The following PLPP4 variants were observed in gnomAD, a reference collection of about 807,000 sequenced individuals.
The protein encoded by PLPP4 is phospholipid phosphatase 4, also known as diacylglycerol pyrophosphate like 2.
Under a neutral mutation model 32.2 loss-of-function variants are expected in PLPP4, and 20 were observed. The ratio of observed to expected loss-of-function variants is 0.62; its 90% CI spans 0.44 to 0.90. PLPP4 has a LOEUF of 0.90. Ranked by LOEUF, PLPP4 falls within the 40% of genes least tolerant of loss-of-function variation. The pLI, the probability that PLPP4 is intolerant of heterozygous loss-of-function variation, is 0.00. For missense variants in PLPP4, 257 were observed against 353.1 expected (o/e 0.73, Z 2.18); for synonymous variants, 127 against 133.0 (o/e 0.95, Z 0.31).
At chr10:120,542,278 G>T (rs1847382162) in intron 5 of PLPP4, among the ~76,000 whole-genome samples, 1 of 152,234 alleles carries the variant, frequency 6.6e-6, no homozygotes, top group Admixed American at 6.5e-5. Flanking sequence ...AGATGCAAAT[G>T]ACCAGAGTCA....
intron 1 of PLPP4, among the ~76,000 whole-genome samples, chr10:120,463,423 G>A (rs1848164138): frequency 6.6e-6 from 1 of 152,200 alleles, no homozygotes; most frequent in Non-Finnish European, 1.5e-5. Flanking sequence ...TTTCAGCTCT[G>A]CCACTAACTA....
intron 5 of PLPP4, among the ~76,000 whole-genome samples, chr10:120,544,054 C>G (rs561469069): frequency 3.3e-4 from 51 of 152,266 alleles, no homozygotes; most frequent in Admixed American, 2.8e-3. Context: ...TTAGCTATTG[C>G]GAATAATGCT....
chr10:120,529,829 C>T (rs1846618500), intron 5 of PLPP4, among the ~76,000 whole-genome samples: 1 of 152,164 alleles, frequency 6.6e-6, no homozygotes, highest in Non-Finnish European at 1.5e-5. Flanking sequence ...GATTGTGGCA[C>T]ACACCTGTAA....
At chr10:120,548,546 G>A (rs1343809626) in intron 5 of PLPP4, among the ~76,000 whole-genome samples, 1 of 152,096 alleles carries the variant, frequency 6.6e-6, no homozygotes, top group Non-Finnish European at 1.5e-5. Flanking sequence ...ACATACCCAT[G>A]CTATGTCTTT....
chr10:120,581,574 T>C (rs1849513622), intron 6 of PLPP4, among the ~76,000 whole-genome samples: 1 of 152,238 alleles, frequency 6.6e-6, no homozygotes, highest in South Asian at 2.1e-4. Flanking sequence ...AAGCTACTTG[T>C]CCTCCTCGTT....
At chr10:120,480,258 T>C (rs958832646) in intron 1 of PLPP4, among the ~76,000 whole-genome samples, 1 of 152,152 alleles carries the variant, frequency 6.6e-6, no homozygotes, top group African/African-American at 2.4e-5. Flanking sequence ...TAGCAGAACA[T>C]CTTCTGACTA....
chr10:120,465,051 T>C (rs569662297), intron 1 of PLPP4, among the ~76,000 whole-genome samples: 13 of 152,228 alleles, frequency 8.5e-5, no homozygotes, highest in Non-Finnish European at 1.8e-4. Flanking sequence ...AACTTGTGGA[T>C]AAAGGTATCT....
At position 120,467,964 on chromosome 10, in the gene PLPP4, A is replaced by G. The variant is rs1848390020; in HGVS notation, c.56+10603A>G. On this transcript the variant is annotated intron_variant, in intron 1 of 6. Coordinates refer to ENST00000398250, the MANE Select transcript of PLPP4 (RefSeq NM_001030059.3). ...TGTGTTCATGTGTTCTTATCTTTCC[A>G]CTTATAAGTGAGAACATGTGGTACT... Among the ~76,000 whole-genome samples, 2 of 63,592 alleles carry G rather than the reference A, an allele frequency of 3.1e-5. 1 individual carries two copies. Among genetic ancestry groups the G allele is most frequent in the Non-Finnish European group, 9.1e-5 (2 of 22,064 alleles). 41.7% of individuals were successfully genotyped at this position (63,592 alleles called of 152,430 possible).
At chr10:120,512,225 C>T (rs1845759092) in intron 2 of PLPP4, among the ~76,000 whole-genome samples, 3 of 152,214 alleles carry the variant, frequency 2.0e-5, no homozygotes, top group Admixed American at 2.0e-4. Flanking sequence ...CTTACTGGAC[C>T]TCTTAACTCA....
chr10:120,490,994 A>G (rs1844694335), intron 1 of PLPP4, among the ~76,000 whole-genome samples: 1 of 152,138 alleles, frequency 6.6e-6, no homozygotes, highest in African/African-American at 2.4e-5. Flanking sequence ...TCGAGCCCCT[A>G]TCTCTGCTCA....
At chr10:120,549,236 A>T (rs1410377393) in intron 5 of PLPP4, among the ~76,000 whole-genome samples, 1 of 151,544 alleles carries the variant, frequency 6.6e-6, no homozygotes, top group East Asian at 1.9e-4. Context: ...CTAAATACTT[A>T]AAGAAAAGAT....
chr10:120,503,977 C>G, intron 2 of PLPP4, 51 bp downstream of exon 2: 1 of 1,269,650 alleles, frequency 7.9e-7, no homozygotes, highest in Non-Finnish European at 1.1e-6. Context: ...AAAGATGAAC[C>G]AAATGGGTTT....
intron 5 of PLPP4, among the ~76,000 whole-genome samples, chr10:120,522,922 A>C (rs1219607214): frequency 6.6e-6 from 1 of 152,266 alleles, no homozygotes; most frequent in East Asian, 1.9e-4. Context: ...GGATCTTGGC[A>C]GATGCAATTA....
At chr10:120,588,975 G>A (rs1449836364) in intron 6 of PLPP4, among the ~76,000 whole-genome samples, 2 of 152,240 alleles carry the variant, frequency 1.3e-5, no homozygotes, top group East Asian at 3.8e-4. Context: ...GAACCAGGGA[G>A]GCAGAGGCTG....
At chr10:120,564,509 C>A (rs943433409) in intron 5 of PLPP4, among the ~76,000 whole-genome samples, 2 of 151,758 alleles carry the variant, frequency 1.3e-5, no homozygotes, top group African/African-American at 4.8e-5. Flanking sequence ...TCTTATATGT[C>A]CTATCTAATA....
At chr10:120,563,194 G>A (rs528317915) in intron 5 of PLPP4, among the ~76,000 whole-genome samples, 47 of 152,272 alleles carry the variant, frequency 3.1e-4, no homozygotes, top group African/African-American at 4.8e-4. Flanking sequence ...TGCGGAGATC[G>A]CGCCACTGCA....
intron 5 of PLPP4, among the ~76,000 whole-genome samples, chr10:120,550,676 G>T (rs1847854317): frequency 6.6e-6 from 1 of 151,800 alleles, no homozygotes; most frequent in Admixed American, 6.6e-5. Context: ...TAAAATCAAT[G>T]ATATTAGAAA....
At chr10:120,460,324 C>G (rs1026597135) in intron 1 of PLPP4, among the ~76,000 whole-genome samples, 3 of 152,158 alleles carry the variant, frequency 2.0e-5, no homozygotes, top group African/African-American at 7.2e-5. Flanking sequence ...CCTGCTGCTA[C>G]CCAAGACTCC....
chr10:120,518,676 C>G (rs374932866), intron 3 of PLPP4, among the ~76,000 whole-genome samples, 157 bp from the exon 4 acceptor site: 1 of 152,300 alleles, frequency 6.6e-6, no homozygotes. Flanking sequence ...TGCTCTCTAG[C>G]AACCCAAACG....
Sources: allele counts gnomAD v4.1 joint callset (sites outside exome capture counted in the v4.1 genomes callset), GRCh38; gene constraint gnomAD v4.1.1; transcripts MANE v1.5; gene names NCBI Gene and HGNC (gene_info 2026-07-23, HGNC 2026-07-21).